Variants in ARID1B observed in about 807,000 individuals in gnomAD.
ARID1B encodes AT-rich interaction domain 1B.
In ARID1B, 30 loss-of-function variants were observed where a neutral mutation model predicts 212.3. The ratio of observed to expected loss-of-function variants is 0.14; its 90% CI spans 0.11 to 0.19. The LOEUF (loss-of-function observed/expected upper bound fraction) is 0.19. Among genes scored for constraint, ARID1B ranks in the 10% least tolerant of loss-of-function variants. The pLI is 1.00. For missense variants in ARID1B, 2,891 were observed against 3,204.0 expected, an observed-to-expected ratio of 0.90 and a Z score of 2.36; for synonymous variants, 1,402 against 1,301.7, an observed-to-expected ratio of 1.08 and a Z score of -1.66.
chr6:156,829,587 A>C (rs946884330), intron 2 of ARID1B, 166 bp downstream of exon 2: 3 of 797,734 alleles, frequency 3.8e-6, no homozygotes, highest in Non-Finnish European at 5.6e-6. Context: ...TTTTTCTTTT[A>C]AAGATGGAAA....
chr6:157,009,823 A>G (rs574986776), intron 4 of ARID1B, among the ~76,000 whole-genome samples: 73 of 152,348 alleles, frequency 4.8e-4, no homozygotes, highest in African/African-American at 1.7e-3. Flanking sequence ...CAGAGAGGTT[A>G]AGTAAGTCTT....
At chr6:157,031,795 A>ATT (rs1029361357) in intron 4 of ARID1B, among the ~76,000 whole-genome samples, 463 of 146,910 alleles carry the variant, frequency 3.2e-3, no homozygotes, top group Non-Finnish European at 5.6e-3. Flanking sequence ...AACAAATGAA[A>ATT]TTTTTTTTTT....
chr6:156,981,206 T>C (rs1036982460), intron 4 of ARID1B, among the ~76,000 whole-genome samples: 4 of 152,168 alleles, frequency 2.6e-5, no homozygotes, highest in Admixed American at 6.5e-5. Flanking sequence ...ACATGACCTG[T>C]GGGCAGGATG....
At chr6:157,031,871 A>G (rs1275122000) in intron 4 of ARID1B, among the ~76,000 whole-genome samples, 1 of 151,922 alleles carries the variant, frequency 6.6e-6, no homozygotes, top group Non-Finnish European at 1.5e-5. Flanking sequence ...TCTCACGGCA[A>G]CCTCCGCCTC....
intron 4 of ARID1B, among the ~76,000 whole-genome samples, chr6:156,975,832 C>T (rs747305647): frequency 2.8e-4 from 43 of 152,142 alleles, no homozygotes; most frequent in Non-Finnish European, 4.6e-4. Context: ...GCAAGCTTTA[C>T]GTGAACAGTA....
Position 156,869,461 on chromosome 6 carries a change from A to G in ARID1B, c.1987-31915A>G, listed in dbSNP as rs1401568726. ...AACCATTGGGGACTACATCTGCCTC[A>G]TAAATATTAGCAAAATTTCACACTG... is the stretch of plus-strand genomic sequence containing the variant. On this transcript the variant is annotated intron_variant, in intron 2 of 19. Coordinates refer to ENST00000636930, the MANE Select transcript of ARID1B (RefSeq NM_001374828.1). 2.0e-5 allele frequency among the ~76,000 whole-genome samples: 3 copies of G among 152,246 alleles called. 1 individual carries two copies. The highest frequency in any genetic ancestry group is 4.4e-5 in the Non-Finnish European group (3 of 68,042).
chr6:156,931,924 G>A (rs1582975469), intron 3 of ARID1B, among the ~76,000 whole-genome samples: 1 of 144,988 alleles, frequency 6.9e-6, no homozygotes, highest in South Asian at 2.2e-4. Context: ...ATTGCGCGAT[G>A]CACTCCAGCC....
chr6:156,868,127 CTGATTCATTATTT>C (rs148954131), intron 2 of ARID1B, among the ~76,000 whole-genome samples: 177 of 152,318 alleles, frequency 1.2e-3, no homozygotes, highest in African/African-American at 4.0e-3. Context: ...GCACAAACGT[CTGATTCATTATTT>C]TGGATCAGTT....
At position 157,128,828 on chromosome 6, in the gene ARID1B, A is replaced by G. The variant is rs183139898; in HGVS notation, c.2582-4200A>G. ...TCTTGATAACCAAAATAAAAACACA[A>G]TCACAAATTATAAAATATCTCTGAA... On this transcript the variant is annotated intron_variant, in intron 6 of 19. Transcript: ENST00000636930. 1.2e-3 allele frequency among the ~76,000 whole-genome samples: 188 copies of G among 152,364 alleles called. 1 individual carries two copies. Among genetic ancestry groups the G allele is most frequent in the Non-Finnish European group, 2.1e-3 (144 of 68,032 alleles).
chr6:157,096,619 T>C (rs1785651900), intron 5 of ARID1B, among the ~76,000 whole-genome samples: 1 of 152,204 alleles, frequency 6.6e-6, no homozygotes, highest in South Asian at 2.1e-4. Context: ...GCCCTCCTTG[T>C]CCCCTGGCAC....
At chr6:157,166,866 G>C (rs1195571706) in intron 8 of ARID1B, 174 bp from the exon 9 acceptor site, 2 of 810,030 alleles carry the variant, frequency 2.5e-6, no homozygotes, top group Admixed American at 6.1e-5. Flanking sequence ...GTATTAAAGA[G>C]TTACCTAGCA....
At position 157,200,823 on chromosome 6, in the gene ARID1B, C is replaced by T. The variant is rs1794046494; in HGVS notation, c.4598C>T (p.Ser1533Phe). The change falls in exon 18 of 20, where the codon TCC (serine) becomes TTC (phenylalanine). Residue 1533 changes from serine to phenylalanine, a missense_variant. By Grantham distance (155) the Ser-to-Phe change is radical. Transcript: ENST00000636930. The surrounding 1 kb of genome is among the most constrained non-coding windows in gnomAD (Gnocchi z 4.3). The stretch of plus-strand genomic sequence containing the variant: ...GAGATGTACAACCAGTATGGAGGCT[C>T]CTACTCGGGCCCGGACCGCAGGCCC... ...QQEMYNQYGGSYSGPDRRPIQ... is the reference protein window; with the variant it reads ...QQEMYNQYGGFYSGPDRRPIQ... The T allele has an allele frequency of 6.2e-7, 1 of 1,614,010 alleles. No homozygotes were observed. The highest frequency in any genetic ancestry group is 1.3e-5 in the African/African-American group (1 of 74,940).
chr6:156,960,735 T>TG (rs1391862764), intron 4 of ARID1B, among the ~76,000 whole-genome samples: 1 of 152,224 alleles, frequency 6.6e-6, no homozygotes, highest in African/African-American at 2.4e-5. Flanking sequence ...AAAAAACAAC[T>TG]GGTAAACTAG....
intron 4 of ARID1B, chr6:156,939,405 G>A (rs1016080884): frequency 6.6e-6 from 1 of 152,006 alleles, no homozygotes; most frequent in Non-Finnish European, 1.5e-5. Context: ...TTCACCTCTT[G>A]TGGCATTTAT....
At chr6:157,119,207 C>T (rs1359796112) in intron 6 of ARID1B, among the ~76,000 whole-genome samples, 1 of 152,210 alleles carries the variant, frequency 6.6e-6, no homozygotes, top group Non-Finnish European at 1.5e-5. Context: ...ACTATCACCA[C>T]TCTAGTCCAG....
In ARID1B at chr6:157,175,056, G is replaced by T. The variant is rs577094883; in HGVS notation, c.3504+51G>T. On this transcript the variant is annotated intron_variant, in intron 11 of 19. Transcript: ENST00000636930. ...TTTTTTTGTTTTTTGTTTTTTTGGG[G>T]TTTTTTGATAATTAATTAATTCTAC... 45 of 1,287,246 alleles carry T rather than the reference G, an allele frequency of 3.5e-5. No individual in the cohort carries two copies. The Middle Eastern group carries it at 1.0e-3, about 29-fold the overall frequency. 79.7% of individuals were successfully genotyped at this position (1,287,246 alleles called of 1,614,324 possible). A position where few individuals can be genotyped will look rare whatever the true frequency, so the allele number is the denominator to read the frequency against.
intron 4 of ARID1B, among the ~76,000 whole-genome samples, chr6:157,052,812 C>G: frequency 6.6e-6 from 1 of 150,800 alleles, no homozygotes; most frequent in East Asian, 2.0e-4. Context: ...CTCTGACTCT[C>G]TGGTTCAAGC....
chr6:156,788,379 C>CT (rs1779788354), intron 1 of ARID1B, among the ~76,000 whole-genome samples: 1 of 152,186 alleles, frequency 6.6e-6, no homozygotes, highest in Non-Finnish European at 1.5e-5. Context: ...CCCACAGAGC[C>CT]TACGGCTGAT....
At chr6:156,914,643 T>C (rs893139664) in intron 3 of ARID1B, among the ~76,000 whole-genome samples, 7 of 152,226 alleles carry the variant, frequency 4.6e-5, no homozygotes, top group Admixed American at 1.3e-4. Flanking sequence ...GACTTTCATA[T>C]GTACTTTTGC....
Sources: gnomAD v4.1 joint callset for allele counts (sites outside exome capture counted in the v4.1 genomes callset) on GRCh38, gnomAD v4.1.1 for gene constraint, Gnocchi (gnomAD v3.1) non-coding constraint, MANE v1.5 for transcripts, NCBI Gene and HGNC (gene_info 2026-07-23, HGNC 2026-07-21) for gene names.